Variants in RGS6 observed in about 807,000 individuals in gnomAD.
RGS6 encodes regulator of G protein signaling 6.
A neutral mutation model predicts 78.5 loss-of-function variants in RGS6; 30 were observed. The ratio of observed to expected loss-of-function variants is 0.38; its 90% CI spans 0.29 to 0.52. RGS6 has a LOEUF of 0.52. Among genes scored for constraint, RGS6 ranks in the 20% least tolerant of loss-of-function variants. The pLI, the probability that RGS6 is intolerant of heterozygous loss-of-function variation, is 0.85. For missense variants in RGS6, 495 were observed against 609.7 expected (o/e 0.81, Z 1.98); for synonymous variants, 206 against 206.0 (o/e 1.00, Z 0.00).
At chr14:72,380,460 C>T (rs957719017) in intron 3 of RGS6, among the ~76,000 whole-genome samples, 2 of 120,730 alleles carry the variant, frequency 1.7e-5, no homozygotes, top group African/African-American at 7.7e-5. Flanking sequence ...ACTCAAATAT[C>T]TTGACAGCAA....
chr14:72,110,048 G>T (rs1396706868), intron 2 of RGS6, among the ~76,000 whole-genome samples: 1 of 152,172 alleles, frequency 6.6e-6, no homozygotes, highest in Non-Finnish European at 1.5e-5. Flanking sequence ...GTTTTTTGAA[G>T]AATGTTGTGA....
At position 72,380,801 on chromosome 14, in the gene RGS6, C is replaced by A. The variant is rs184128696; in HGVS notation, c.184+28607C>A. ...CTAAAAATAGAACTACTATAGCATC[C>A]AGCAATTCCACTACTGGACATTTAT... On this transcript the variant is annotated intron_variant, in intron 3 of 17. Coordinates refer to ENST00000553525, the MANE Select transcript of RGS6 (RefSeq NM_001204424.2). Among the ~76,000 whole-genome samples, 68 of 152,180 alleles carry A rather than the reference C, an allele frequency of 4.5e-4. 1 individual carries two copies. The highest frequency in any genetic ancestry group is 1.6e-3 in the African/African-American group (66 of 41,548).
At chr14:72,056,997 T>A (rs1281488606) in intron 2 of RGS6, among the ~76,000 whole-genome samples, 1 of 152,122 alleles carries the variant, frequency 6.6e-6, no homozygotes, top group African/African-American at 2.4e-5. Context: ...GGATATATTT[T>A]TGTATGTAGA....
intron 3 of RGS6, among the ~76,000 whole-genome samples, chr14:72,409,595 G>A (rs2093235266): frequency 6.6e-6 from 1 of 151,796 alleles, no homozygotes; most frequent in Admixed American, 6.6e-5. Context: ...TTAAGTTTTA[G>A]GGTACATGTG....
chr14:72,506,200 A>G (rs535522724), intron 13 of RGS6, among the ~76,000 whole-genome samples: 1 of 152,310 alleles, frequency 6.6e-6, no homozygotes, highest in Admixed American at 6.5e-5. Flanking sequence ...ACAAAGACAC[A>G]TGAAATATGG....
intron 2 of RGS6, among the ~76,000 whole-genome samples, chr14:72,194,863 A>G (rs2039649981): frequency 6.6e-6 from 1 of 151,792 alleles, no homozygotes; most frequent in African/African-American, 2.4e-5. Context: ...TTTGGGCCCT[A>G]AGTAGTTAGA....
intron 3 of RGS6, among the ~76,000 whole-genome samples, chr14:72,382,879 T>C (rs2086565824): frequency 6.6e-6 from 1 of 152,118 alleles, no homozygotes; most frequent in African/African-American, 2.4e-5. Flanking sequence ...TTGTATTATT[T>C]AGTGATTCAT....
At chr14:72,062,091 G>T (rs2093923724) in intron 2 of RGS6, among the ~76,000 whole-genome samples, 1 of 152,232 alleles carries the variant, frequency 6.6e-6, no homozygotes, top group Non-Finnish European at 1.5e-5. Context: ...ACAGTGCAAG[G>T]TGTGTGATCT....
chr14:72,557,210 A>G (rs576885265), intron 17 of RGS6, among the ~76,000 whole-genome samples: 1 of 151,492 alleles, frequency 6.6e-6, no homozygotes, highest in Admixed American at 6.6e-5. Context: ...ATAGAGGGTG[A>G]TAAGAAATAG....
chr14:72,215,089 T>A (rs976594461), intron 2 of RGS6, among the ~76,000 whole-genome samples: 2 of 152,206 alleles, frequency 1.3e-5, no homozygotes, highest in Admixed American at 1.3e-4. Flanking sequence ...CAGTCCTAAT[T>A]GTATTCGTTG....
At chr14:72,538,809 A>G (rs76675695) in intron 16 of RGS6, among the ~76,000 whole-genome samples, 1 of 152,184 alleles carries the variant, frequency 6.6e-6, no homozygotes, top group African/African-American at 2.4e-5. Flanking sequence ...GCAACCTCAT[A>G]TCTGTCTTCT....
At chr14:71,891,503 T>C in the RGS6 span, among the ~76,000 whole-genome samples, 1 of 152,172 alleles carries the variant, frequency 6.6e-6, no homozygotes. Flanking sequence ...ATTTCTTACA[T>C]GGCAACTGGC....
chr14:72,227,595 G>A (rs183216999), intron 2 of RGS6, among the ~76,000 whole-genome samples: 30 of 152,298 alleles, frequency 2.0e-4, no homozygotes, highest in East Asian at 1.2e-3. Flanking sequence ...AAGCAAAATC[G>A]TAAGTTGTAA....
chr14:72,402,420 G>A (rs1333679568), intron 3 of RGS6, among the ~76,000 whole-genome samples: 2 of 152,048 alleles, frequency 1.3e-5, no homozygotes, highest in Non-Finnish European at 2.9e-5. Flanking sequence ...AATAAACAGG[G>A]TTGTGACTAA....
chr14:72,611,961 G>A, the RGS6 span, among the ~76,000 whole-genome samples: 1 of 152,168 alleles, frequency 6.6e-6, no homozygotes, highest in Non-Finnish European at 1.5e-5. Context: ...TTTCATGGCT[G>A]AAAAGCAACT....
At chr14:72,232,375 G>A (rs1183861300) in intron 2 of RGS6, among the ~76,000 whole-genome samples, 4 of 152,114 alleles carry the variant, frequency 2.6e-5, no homozygotes, top group Non-Finnish European at 1.5e-5. Flanking sequence ...GCTGCATGCA[G>A]GCAGGTGCTT....
At chr14:72,530,956 T>C (rs1047178728) in intron 15 of RGS6, among the ~76,000 whole-genome samples, 3 of 149,008 alleles carry the variant, frequency 2.0e-5, no homozygotes, top group Admixed American at 1.3e-4. Context: ...TCGACTAATA[T>C]CTGAGCCTGT....
intron 2 of RGS6, among the ~76,000 whole-genome samples, chr14:72,341,709 T>C (rs1162738320): frequency 1.3e-5 from 2 of 152,204 alleles, no homozygotes; most frequent in Non-Finnish European, 2.9e-5. Flanking sequence ...ATTTGGCATT[T>C]ATTTTGTAGC....
At chr14:71,933,926 G>A (rs1251736130) in intron 1 of RGS6, among the ~76,000 whole-genome samples, 2 of 152,146 alleles carry the variant, frequency 1.3e-5, no homozygotes, top group African/African-American at 4.8e-5. Flanking sequence ...GTTTGTGTGT[G>A]TATGGTCTGT....
Sources: gnomAD v4.1 joint callset for allele counts (sites outside exome capture counted in the v4.1 genomes callset) on GRCh38, gnomAD v4.1.1 for gene constraint, MANE v1.5 for transcripts, NCBI Gene and HGNC (gene_info 2026-07-23, HGNC 2026-07-21) for gene names.